Variants in PARD3 observed in about 807,000 individuals in gnomAD.
The protein encoded by PARD3 is par-3 family cell polarity regulator.
PARD3 carries 75 observed loss-of-function variants against 155.4 expected under a neutral mutation model. The ratio of observed to expected loss-of-function variants is 0.48; its 90% confidence interval spans 0.40 to 0.58. PARD3 has a LOEUF of 0.58. Ranked by LOEUF, PARD3 falls within the 20% of genes least tolerant of loss-of-function variation. The pLI, the probability that PARD3 is intolerant of heterozygous loss-of-function variation, is 0.00. For missense variants in PARD3, 1,642 were observed against 1,721.7 expected (o/e 0.95, Z 0.82); for synonymous variants, 576 against 610.5 (o/e 0.94, Z 0.83).
intron 1 of PARD3, among the ~76,000 whole-genome samples, chr10:34,780,515 C>T (rs2134164192): frequency 6.6e-6 from 1 of 152,268 alleles, no homozygotes; most frequent in South Asian, 2.1e-4. Context: ...ATGAGCGTGA[C>T]ATTCAGGAAT....
At chr10:34,432,373 C>CACACACAG (rs1564706956) in intron 5 of PARD3, among the ~76,000 whole-genome samples, 2 of 140,144 alleles carry the variant, frequency 1.4e-5, no homozygotes, top group Non-Finnish European at 1.6e-5. Context: ...CACACACACA[C>CACACACAG]ACAGAGGAGT....
chr10:34,782,635 C>T (rs1470822327), intron 1 of PARD3, among the ~76,000 whole-genome samples: 3 of 152,096 alleles, frequency 2.0e-5, no homozygotes, highest in African/African-American at 7.2e-5. Flanking sequence ...CAGCAACTTA[C>T]GGAGATTAAT....
intron 22 of PARD3, among the ~76,000 whole-genome samples, chr10:34,188,382 ACT>A (rs901770166): frequency 6.6e-6 from 1 of 152,196 alleles, no homozygotes; most frequent in Non-Finnish European, 1.5e-5. Context: ...CCACGCTTCC[ACT>A]GAGTGGGAGG....
intron 1 of PARD3, among the ~76,000 whole-genome samples, chr10:34,751,102 C>T (rs1009140842): frequency 6.6e-6 from 1 of 152,168 alleles, no homozygotes; most frequent in African/African-American, 2.4e-5. Flanking sequence ...CCCGTCACTT[C>T]CACACACTGT....
intron 1 of PARD3, among the ~76,000 whole-genome samples, chr10:34,798,705 CAA>C (rs55803946): frequency 1.4e-3 from 157 of 114,700 alleles, no homozygotes; most frequent in Middle Eastern, 4.6e-3. Context: ...ACTCTGTCTC[CAA>C]AAAAAAAAAA....
intron 2 of PARD3, among the ~76,000 whole-genome samples, chr10:34,553,815 C>G (rs949197696): frequency 3.3e-5 from 5 of 152,260 alleles, no homozygotes; most frequent in African/African-American, 1.2e-4. Flanking sequence ...ACACTTAACC[C>G]AACCTTACAA....
intron 20 of PARD3, among the ~76,000 whole-genome samples, chr10:34,292,789 C>A (rs2133977196): frequency 6.6e-6 from 1 of 151,880 alleles, no homozygotes. Context: ...ATGTGCAATG[C>A]AACCTTAATG....
Position 34,320,823 on chromosome 10 carries a change from T to C in PARD3, c.2834-3485A>G, listed in dbSNP as rs1057157104. On this transcript the variant is annotated intron_variant, in intron 19 of 24. Coordinates refer to ENST00000374788, the MANE Select transcript of PARD3 (RefSeq NM_001184785.2). The stretch of plus-strand genomic sequence containing the variant: ...CACTTGCACATTGGAGGATTCTTTA[T>C]GCTTGTTCTGAACATTCTAAATTAG... Among the ~76,000 whole-genome samples, 12 of 152,364 alleles carry C rather than the reference T, an allele frequency of 7.9e-5. 1 individual carries two copies. The highest frequency in any genetic ancestry group is 3.4e-3 in the Middle Eastern group (1 of 294).
At chr10:34,544,192 G>A (rs1014640230) in intron 2 of PARD3, among the ~76,000 whole-genome samples, 2 of 152,098 alleles carry the variant, frequency 1.3e-5, no homozygotes, top group Non-Finnish European at 2.9e-5. Context: ...GGAAAAAAAT[G>A]TTTAAGTGAA....
intron 2 of PARD3, among the ~76,000 whole-genome samples, chr10:34,588,451 A>C (rs1293743758): frequency 6.6e-6 from 1 of 152,130 alleles, no homozygotes; most frequent in Non-Finnish European, 1.5e-5. Flanking sequence ...CAAATCTGAA[A>C]ATTTTAAAAT....
intron 1 of PARD3, among the ~76,000 whole-genome samples, chr10:34,699,354 A>C (rs2094231839): frequency 1.3e-5 from 2 of 152,222 alleles, no homozygotes; most frequent in African/African-American, 4.8e-5. Context: ...AAAACATAAA[A>C]AATAAACATA....
rs115280338 is a variant in PARD3, at chr10:34,471,855, G to T, written c.404-1592C>A. Among the ~76,000 whole-genome samples the T allele has an allele frequency of 9.3e-3, 1,417 of 152,216 alleles. 28 individuals are homozygous for T. Among genetic ancestry groups the T allele is most frequent in the African/African-American group, 0.033 (1,357 of 41,528 alleles). On this transcript the variant is annotated intron_variant, in intron 3 of 24. Coordinates refer to ENST00000374788, the MANE Select transcript of PARD3 (RefSeq NM_001184785.2). ...ATTACAGGCGTGAGCCACCACGTCC[G>T]GTCTAATGACATAGCTTTAACCATG...
intron 2 of PARD3, among the ~76,000 whole-genome samples, chr10:34,688,792 T>C (rs1311054687): frequency 1.3e-5 from 2 of 152,150 alleles, no homozygotes; most frequent in South Asian, 2.1e-4. Context: ...TTAGGGGTAA[T>C]TTAGTACTTG....
intron 2 of PARD3, among the ~76,000 whole-genome samples, chr10:34,683,228 C>A (rs1013134161): frequency 6.6e-6 from 1 of 151,934 alleles, no homozygotes; most frequent in Non-Finnish European, 1.5e-5. Context: ...TGGACACTGG[C>A]GACTCCAAAA....
intron 20 of PARD3, among the ~76,000 whole-genome samples, chr10:34,311,627 C>T (rs550987286): frequency 3.9e-5 from 6 of 151,922 alleles, no homozygotes; most frequent in African/African-American, 1.2e-4. Context: ...TCTCTCGACA[C>T]GTGGTCTCAG....
chr10:34,704,882 G>GAT (rs1474715381), intron 1 of PARD3, among the ~76,000 whole-genome samples: 2 of 152,170 alleles, frequency 1.3e-5, no homozygotes, highest in African/African-American at 2.4e-5. Flanking sequence ...CCTAGTTAGT[G>GAT]ATATAACAAA....
chr10:34,376,728 C>G (rs1322607544), intron 10 of PARD3, among the ~76,000 whole-genome samples: 2 of 152,130 alleles, frequency 1.3e-5, no homozygotes, highest in East Asian at 1.9e-4. Context: ...TCCCTCTCCT[C>G]CCCTACTTTA....
chr10:34,481,495 TC>T (rs1261956185), intron 3 of PARD3, among the ~76,000 whole-genome samples: 3 of 152,154 alleles, frequency 2.0e-5, no homozygotes, highest in African/African-American at 7.2e-5. Flanking sequence ...AAACGTGGTA[TC>T]CCCAGGTCCT....
At chr10:34,244,198 A>G (rs746514485) in intron 22 of PARD3, among the ~76,000 whole-genome samples, 3 of 152,240 alleles carry the variant, frequency 2.0e-5, no homozygotes, top group Non-Finnish European at 4.4e-5. Context: ...GTTACTTTAG[A>G]CAATGTCGAA....
Sources: gnomAD v4.1 joint callset for allele counts (sites outside exome capture counted in the v4.1 genomes callset) on GRCh38, gnomAD v4.1.1 for gene constraint, MANE v1.5 for transcripts, NCBI Gene and HGNC (gene_info 2026-07-23, HGNC 2026-07-21) for gene names.